SAGE1: variants seen among roughly 807,000 people sequenced by gnomAD.
SAGE1 encodes the protein cancer/testis antigen 14.
Under a neutral mutation model 55.4 loss-of-function variants are expected in SAGE1, and 55 were observed. The ratio of observed to expected loss-of-function variants is 0.99; its 90% CI spans 0.80 to 1.24. The LOEUF (loss-of-function observed/expected upper bound fraction) is 1.24. Among genes scored for constraint, SAGE1 ranks in the 50% most tolerant of loss-of-function variants. The probability of loss-of-function intolerance (pLI) is 0.00; values close to 1 mark genes in which losing one functional copy is unlikely to be tolerated. For synonymous variants in SAGE1, 240 were observed against 244.3 expected, an observed-to-expected ratio of 0.98 and a Z score of 0.17; for missense variants, 710 against 704.4, an observed-to-expected ratio of 1.01 and a Z score of -0.09.
intron 5 of SAGE1, among the ~76,000 whole-genome samples, chrX:135,905,599 A>G (rs1390814091): frequency 8.9e-6 from 1 of 112,111 alleles, no homozygotes; most frequent in Admixed American, 9.5e-5. Flanking sequence ...GGGCTGACAT[A>G]GTGGACTTAC....
intron 2 of SAGE1, among the ~76,000 whole-genome samples, chrX:135,897,190 A>G (rs2088599836): frequency 8.9e-6 from 1 of 112,169 alleles, no homozygotes; most frequent in African/African-American, 3.2e-5. Flanking sequence ...CCATGATTGG[A>G]TTGTCCTGAT....
At chrX:135,905,965 C>T in intron 5 of SAGE1, 59 bp from the exon 6 acceptor site, 1 of 1,017,509 alleles carries the variant, frequency 9.8e-7, no homozygotes, top group South Asian at 2.3e-5. Flanking sequence ...GAGGGATATA[C>T]CTGTGGCACT....
chrX:135,906,791 G>A (rs1341758003), intron 7 of SAGE1, 135 bp from the exon 8 acceptor site: 2 of 944,599 alleles, frequency 2.1e-6, no homozygotes, highest in African/African-American at 4.0e-5. Flanking sequence ...TCAATTTCAG[G>A]GGTCTCGTAT....
chrX:135,911,664 A>T lies in SAGE1; in HGVS notation c.2232A>T (p.Ser744=). ...ATGGCTTCCTGTCAAATTCTGATTC[A>T]CCAGAGCTGATAAATATGACAGGAC... ...PPDGFLSNSD[S]PELINMTGHC... The change falls in exon 18 of 20, where the codon TCA becomes TCT. Residue 744 remains serine (S), a synonymous_variant. Transcript: ENST00000370709. 8.3e-7 allele frequency: 1 copy of T among 1,209,809 alleles called. No homozygotes were observed. The highest frequency in any genetic ancestry group is 1.1e-6 in the Non-Finnish European group (1 of 893,655).
intron 2 of SAGE1, among the ~76,000 whole-genome samples, chrX:135,897,245 C>T (rs1220842630): frequency 8.9e-6 from 1 of 112,229 alleles, no homozygotes; most frequent in African/African-American, 3.2e-5. Context: ...GAGAGACTTA[C>T]TAACTTCACC....
rs1190683112 is a variant in SAGE1, at chrX:135,905,438, C to G, written c.454+46C>G. On this transcript the variant is annotated intron_variant, in intron 5 of 19. Transcript: ENST00000370709. ...TACTGTCATACTTGTTTTCCATAAG[C>G]ATGGATATTTTCATGAAAGGTAGAA... The G allele has an allele frequency of 2.7e-6, 3 of 1,109,047 alleles. No individual in the cohort carries two copies. In the East Asian group the frequency reaches 9.1e-5, roughly 34 times the overall value. The allele number at this position is 1,109,047 out of a possible 1,213,427, so 91.4% of individuals were successfully genotyped here. A position where few individuals can be genotyped will look rare whatever the true frequency, so the allele number is the denominator to read the frequency against.
intron 1 of SAGE1, among the ~76,000 whole-genome samples, chrX:135,894,113 G>GC (rs1414181720): frequency 2.7e-5 from 3 of 111,453 alleles, no homozygotes; most frequent in Non-Finnish European, 3.8e-5. Flanking sequence ...CGCTCTTGTT[G>GC]CCCGGGGTGG....
chrX:135,898,266 G>A (rs1364405905), intron 2 of SAGE1, among the ~76,000 whole-genome samples: 38 of 110,993 alleles, frequency 3.4e-4, no homozygotes, highest in African/African-American at 1.1e-3. Context: ...TGATCCGCCC[G>A]CCTTGGCCTC....
chrX:135,906,105 C>A lies in SAGE1; in HGVS notation c.536C>A (p.Pro179His). 1 of 1,206,343 alleles carries A rather than the reference C, an allele frequency of 8.3e-7. No individual in the cohort carries two copies. Among genetic ancestry groups the A allele is most frequent in the Non-Finnish European group, 1.1e-6 (1 of 891,528 alleles). Residue 179 changes from proline to histidine, a missense_variant, in exon 6 of 20, where the codon CCC becomes CAC. Pro to His is a moderately conservative substitution (Grantham distance 77, BLOSUM62 -2). Coordinates refer to ENST00000370709, the MANE Select transcript of SAGE1 (RefSeq NM_001381902.1). ...PQPDNVLSTG[P>H]TGLINMAATP... ...CCTGATAACGTCTTGTCAACTGGTC[C>A]CACAGGGCTTATTAATATGGCAGCA...
At chrX:135,910,668 G>T (rs2088882369) in intron 16 of SAGE1, 113 bp downstream of exon 16, 9 of 663,646 alleles carry the variant, frequency 1.4e-5, no homozygotes, top group Non-Finnish European at 2.1e-5. Context: ...CAGTTTGAGG[G>T]GTATCATATG....
At chrX:135,897,707 G>A (rs2088608571) in intron 2 of SAGE1, among the ~76,000 whole-genome samples, 1 of 111,257 alleles carries the variant, frequency 9.0e-6, no homozygotes, top group Non-Finnish European at 1.9e-5. Context: ...ACATGTGCAG[G>A]ATGTGCAGGT....
At chrX:135,907,161 C>T (rs1424784073) in intron 8 of SAGE1, 95 bp downstream of exon 8, 8 of 1,062,038 alleles carry the variant, frequency 7.5e-6, no homozygotes, top group Non-Finnish European at 9.0e-6. Flanking sequence ...TATCATCTAT[C>T]TTGAGCTCAA....
chrX:135,904,685 A>G (rs1205193230), intron 4 of SAGE1, 116 bp downstream of exon 4: 7 of 498,925 alleles, frequency 1.4e-5, no homozygotes, highest in Admixed American at 1.0e-4. Context: ...TGAATTATAG[A>G]AGGTGGTTTT....
Position 135,910,068 on chromosome X carries a change from A to G in SAGE1, c.1762A>G (p.Lys588Glu). The change falls in exon 15 of 20, where the codon AAA becomes GAA. Residue 588 changes from lysine to glutamate, a missense_variant. Physicochemically the swap from Lys to Glu is moderately conservative, Grantham distance 56. Coordinates refer to ENST00000370709, the MANE Select transcript of SAGE1 (RefSeq NM_001381902.1). ...TCACAATGTCCATGAAGAGAAGATT[A>G]AAAATGGCCAAGCAGCATCCGATAA... is the stretch of plus-strand genomic sequence containing the variant. ...VTHNVHEEKIKNGQAASDNVF... is the reference protein window; with the variant it reads ...VTHNVHEEKIENGQAASDNVF... 8.3e-7 allele frequency: 1 copy of G among 1,207,371 alleles called. No homozygotes were observed.
rs149788009 is a variant in SAGE1, at chrX:135,911,267, C to T, written c.2081C>T (p.Thr694Met). ...GQQAPDNSLS[T>M]VPPGCINLSG... ...CAGGCACCTGATAACTCCTTGTCAA[C>T]GGTTCCACCTGGTTGTATTAATCTG... Residue 694 changes from threonine to methionine, a missense_variant, in exon 17 of 20, where the codon ACG becomes ATG. Coordinates refer to ENST00000370709, the MANE Select transcript of SAGE1 (RefSeq NM_001381902.1). The T allele has an allele frequency of 5.6e-5, 67 of 1,206,670 alleles. No homozygotes were observed. The highest frequency in any genetic ancestry group is 8.8e-5 in the South Asian group (5 of 56,698).
In SAGE1 at chrX:135,906,121, T is replaced by C. The variant is rs2088783048; in HGVS notation, c.552T>C (p.Asn184=). The change falls in exon 6 of 20, where the codon AAT becomes AAC. Residue 184 remains asparagine, a synonymous_variant. Transcript: ENST00000370709. The part of the protein sequence containing the change: ...VLSTGPTGLI[N]MAATPIPAMS... ...CAACTGGTCCCACAGGGCTTATTAA[T>C]ATGGCAGCAACTCCTATTCCAGCCA... 5.0e-6 allele frequency: 6 copies of C among 1,206,424 alleles called. No homozygotes were observed. The highest frequency in any genetic ancestry group is 4.5e-6 in the Non-Finnish European group (4 of 892,700).
intron 2 of SAGE1, among the ~76,000 whole-genome samples, chrX:135,896,692 G>T (rs1556594086): frequency 2.8e-5 from 3 of 108,687 alleles, no homozygotes; most frequent in Non-Finnish European, 1.9e-5. Context: ...CTGAGTAGCT[G>T]GGATTACAGG....
intron 19 of SAGE1, 176 bp from the exon 20 acceptor site, chrX:135,912,622 G>C: frequency 2.7e-6 from 2 of 752,490 alleles, no homozygotes; most frequent in Non-Finnish European, 3.1e-6. Context: ...AAATCTGGGA[G>C]TGTATGTGGG....
intron 2 of SAGE1, 38 bp downstream of exon 2, chrX:135,896,367 A>G (rs782375122): frequency 1.1e-6 from 1 of 897,748 alleles, no homozygotes; most frequent in Admixed American, 2.2e-5. Flanking sequence ...TAATTGTGAC[A>G]TTCTTCGTAT....
Sources: allele counts gnomAD v4.1 joint callset (sites outside exome capture counted in the v4.1 genomes callset), GRCh38; gene constraint gnomAD v4.1.1; transcripts MANE v1.5; gene names NCBI Gene and HGNC (gene_info 2026-07-23, HGNC 2026-07-21).